The following MEIKIN variants were observed in gnomAD, a reference collection of about 807,000 sequenced individuals.
The protein encoded by MEIKIN is meiotic kinetochore factor.
At chr5:131,810,856 A>G (rs1364555546) in intron 12 of MEIKIN, among the ~76,000 whole-genome samples, 3 of 152,226 alleles carry the variant, frequency 2.0e-5, no homozygotes, top group Non-Finnish European at 2.9e-5. Flanking sequence ...AATCATACTG[A>G]TCACAGTCCT....
chr5:131,884,239 CT>C (rs1750740716), intron 8 of MEIKIN, among the ~76,000 whole-genome samples: 1 of 152,170 alleles, frequency 6.6e-6, no homozygotes, highest in African/African-American at 2.4e-5. Context: ...TGTGCCACCC[CT>C]CTCACAACCC....
chr5:131,867,658 G>A (rs539035588), intron 9 of MEIKIN, among the ~76,000 whole-genome samples: 1 of 152,252 alleles, frequency 6.6e-6, no homozygotes, highest in South Asian at 2.1e-4. Flanking sequence ...CTTTCACTTA[G>A]TAATATGAAT....
At chr5:131,878,631 A>C (rs1443957231) in intron 9 of MEIKIN, among the ~76,000 whole-genome samples, 1 of 151,986 alleles carries the variant, frequency 6.6e-6, no homozygotes, top group Non-Finnish European at 1.5e-5. Flanking sequence ...GGACTTTGGG[A>C]GGCTGAGATG....
chr5:131,890,252 A>T (rs1349398872), intron 8 of MEIKIN, among the ~76,000 whole-genome samples: 4 of 152,242 alleles, frequency 2.6e-5, no homozygotes, highest in East Asian at 3.9e-4. Flanking sequence ...TTTCTATTGA[A>T]TGGAATAGTT....
In MEIKIN at chr5:131,878,974, T is replaced by G; in HGVS notation, c.774+4A>C. The G allele has an allele frequency of 2.5e-6, 1 of 398,664 alleles. No individual in the cohort carries two copies. 24.7% of individuals were successfully genotyped at this position (398,664 alleles called of 1,614,324 possible). A position where few individuals can be genotyped will look rare whatever the true frequency, so the allele number is the denominator to read the frequency against. On this transcript the variant is annotated splice_donor_region_variant and intron_variant, in intron 9 of 12. Coordinates refer to ENST00000442687, the MANE Select transcript of MEIKIN (RefSeq NM_001303622.2). ...TTATGTAGTTATTCTGCTTCAATAC[T>G]TGCTTTTTTCTTTGTTTTTTCAGGG...
chr5:131,888,488 G>A (rs902010388), intron 8 of MEIKIN, among the ~76,000 whole-genome samples: 4 of 152,068 alleles, frequency 2.6e-5, no homozygotes, highest in African/African-American at 7.2e-5. Flanking sequence ...TCATGTGTCC[G>A]TTGGCTGCAT....
At chr5:131,893,512 G>T (rs1285866200) in intron 8 of MEIKIN, among the ~76,000 whole-genome samples, 1 of 152,222 alleles carries the variant, frequency 6.6e-6, no homozygotes, top group African/African-American at 2.4e-5. Context: ...GACTAGGAAA[G>T]GGAATTCTCT....
intron 9 of MEIKIN, among the ~76,000 whole-genome samples, chr5:131,867,067 CTG>C (rs1750396639): frequency 6.6e-6 from 1 of 152,200 alleles, no homozygotes; most frequent in African/African-American, 2.4e-5. Flanking sequence ...CTATAAATAA[CTG>C]TTACTTCCTC....
chr5:131,906,152 T>C (rs1292270827), intron 8 of MEIKIN, among the ~76,000 whole-genome samples: 2 of 152,080 alleles, frequency 1.3e-5, no homozygotes, highest in Non-Finnish European at 2.9e-5. Context: ...TCAGAATCTA[T>C]AAGGAATTTA....
intron 11 of MEIKIN, among the ~76,000 whole-genome samples, chr5:131,823,665 T>C (rs1234862839): frequency 6.6e-6 from 1 of 152,188 alleles, no homozygotes. Flanking sequence ...AGGACATATA[T>C]CTCTGTTCTC....
chr5:131,867,344 A>G (rs1378757393), intron 9 of MEIKIN, among the ~76,000 whole-genome samples: 1 of 152,196 alleles, frequency 6.6e-6, no homozygotes, highest in African/African-American at 2.4e-5. Context: ...TCTATTTATT[A>G]TAATGAATGA....
In MEIKIN at chr5:131,934,120, AT is replaced by A. The variant is rs953692105; in HGVS notation, c.350-480del. Among the ~76,000 whole-genome samples the A allele has an allele frequency of 9.0e-4, 133 of 147,452 alleles. No individual in the cohort carries two copies. In the South Asian group the frequency reaches 0.017, roughly 19 times the overall value. ...GAATGTGCCACCATCCTGGCTAATT[AT>A]TTTTTTTTTATTTTTTTTTTTAGTA... On this transcript the variant is annotated intron_variant, in intron 4 of 12. Coordinates refer to ENST00000442687, the MANE Select transcript of MEIKIN (RefSeq NM_001303622.2).
chr5:131,875,903 G>A lies in MEIKIN; in HGVS notation c.774+3075C>T, dbSNP rs183656175. On this transcript the variant is annotated intron_variant, in intron 9 of 12. Transcript: ENST00000442687. ...AAAACAAGCAATGGGGAAAGGATTC[G>A]CTATTTAATAAATGGTGCTGGGAAA... 4.5e-3 allele frequency among the ~76,000 whole-genome samples: 689 copies of A among 152,096 alleles called. 5 individuals are homozygous for A. Among genetic ancestry groups the A allele is most frequent in the African/African-American group, 0.016 (648 of 41,520 alleles).
intron 9 of MEIKIN, among the ~76,000 whole-genome samples, chr5:131,870,859 C>A (rs1042197794): frequency 3.9e-5 from 6 of 152,158 alleles, no homozygotes; most frequent in African/African-American, 1.4e-4. Context: ...CACCCTCTTG[C>A]CCCTTTTCTA....
intron 12 of MEIKIN, among the ~76,000 whole-genome samples, chr5:131,814,583 G>T (rs1773067139): frequency 6.6e-6 from 1 of 152,024 alleles, no homozygotes; most frequent in Non-Finnish European, 1.5e-5. Flanking sequence ...ACCCAGGACA[G>T]ACCTCTCTCA....
chr5:131,938,419 C>T (rs1452090501), intron 4 of MEIKIN, among the ~76,000 whole-genome samples: 2 of 152,076 alleles, frequency 1.3e-5, no homozygotes, highest in Non-Finnish European at 2.9e-5. Flanking sequence ...CCACCCGCCT[C>T]GGCCTCCCAA....
intron 12 of MEIKIN, among the ~76,000 whole-genome samples, chr5:131,815,626 G>A (rs1773088048): frequency 6.6e-6 from 1 of 152,222 alleles, no homozygotes; most frequent in South Asian, 2.1e-4. Context: ...TGTTGACTGG[G>A]GCGACTGATC....
At chr5:131,931,449 G>T (rs1220466798) in intron 5 of MEIKIN, among the ~76,000 whole-genome samples, 1 of 152,098 alleles carries the variant, frequency 6.6e-6, no homozygotes, top group African/African-American at 2.4e-5. Context: ...TGGGTATGTT[G>T]GGTCCTATCA....
chr5:131,930,968 G>A lies in MEIKIN; in HGVS notation c.478+2545C>T, dbSNP rs138016536. The stretch of plus-strand genomic sequence containing the variant: ...AATTTGTATATCTCCATTTCATTGG[G>A]GTCAGTTTCTGGGGATTTATCTTGT... On this transcript the variant is annotated intron_variant, in intron 5 of 12. Coordinates refer to ENST00000442687, the MANE Select transcript of MEIKIN (RefSeq NM_001303622.2). Among the ~76,000 whole-genome samples, 717 of 152,074 alleles carry A rather than the reference G, an allele frequency of 4.7e-3. 8 individuals are homozygous for A. The highest frequency in any genetic ancestry group is 0.016 in the African/African-American group (681 of 41,480).
Sources: allele counts gnomAD v4.1 joint callset (sites outside exome capture counted in the v4.1 genomes callset), GRCh38; gene constraint gnomAD v4.1.1; transcripts MANE v1.5; gene names NCBI Gene and HGNC (gene_info 2026-07-23, HGNC 2026-07-21).